Variants in PREX1 observed in about 807,000 individuals in gnomAD.
The protein encoded by PREX1 is phosphatidylinositol-3,4,5-trisphosphate dependent Rac exchange factor 1.
In PREX1, 41 loss-of-function variants were observed where a neutral mutation model predicts 198.3. The ratio of observed to expected loss-of-function variants is 0.21; its 90% CI spans 0.16 to 0.27. The LOEUF (loss-of-function observed/expected upper bound fraction) is 0.27, where lower values mean the gene tolerates loss of function less well. Ranked by LOEUF, PREX1 falls within the 10% of genes least tolerant of loss-of-function variation. PREX1 has a pLI of 1.00. For missense variants in PREX1, 1,620 were observed against 2,200.7 expected (o/e 0.74, Z 5.28); for synonymous variants, 843 against 887.2 (o/e 0.95, Z 0.89).
the PREX1 span, among the ~76,000 whole-genome samples, chr20:48,884,044 G>A: frequency 1.2e-4 from 18 of 151,478 alleles, no homozygotes; most frequent in African/African-American, 4.4e-4. Flanking sequence ...GGAGGCTGAG[G>A]CAGGAGAACG....
the PREX1 span, among the ~76,000 whole-genome samples, chr20:48,853,060 G>A: frequency 4.6e-5 from 7 of 152,174 alleles, no homozygotes; most frequent in African/African-American, 1.7e-4. Context: ...AAACTGAGTG[G>A]ATGGGTGACA....
chr20:48,669,932 C>T (rs892582069), intron 14 of PREX1, among the ~76,000 whole-genome samples: 1 of 152,104 alleles, frequency 6.6e-6, no homozygotes, highest in Non-Finnish European at 1.5e-5. Context: ...CCATGAATTC[C>T]GAGACCCCAT....
At chr20:48,816,243 G>T (rs1600533316) in intron 1 of PREX1, among the ~76,000 whole-genome samples, 1 of 152,256 alleles carries the variant, frequency 6.6e-6, no homozygotes, top group East Asian at 1.9e-4. Context: ...GTAAAGCACA[G>T]TGGTCACAAA....
At position 48,675,292 on chromosome 20, in the gene PREX1, C is replaced by T. The variant is rs113864276; in HGVS notation, c.1665+901G>A. ...GAAACAGACGGCAGCCTTCGACAGACACCGAACCTGCCGGCACCTTGGTCT... is the reference window on the plus strand; with the variant it reads ...GAAACAGACGGCAGCCTTCGACAGATACCGAACCTGCCGGCACCTTGGTCT... On this transcript the variant is annotated intron_variant, in intron 14 of 39. Transcript: ENST00000371941. Among the ~76,000 whole-genome samples, 1,057 of 152,326 alleles carry T rather than the reference C, an allele frequency of 6.9e-3. 12 individuals are homozygous for T. Among genetic ancestry groups the T allele is most frequent in the African/African-American group, 0.025 (1,020 of 41,572 alleles).
In PREX1 at chr20:48,627,915, G is replaced by A. The variant is rs369897126; in HGVS notation, c.4815C>T (p.Ser1605=). Residue 1605 remains serine, a synonymous_variant, in exon 38 of 40, where the codon AGC becomes AGT. Transcript: ENST00000371941. ...SLEQAAILAR[S]HGLLPKCIMQ... ...TGATGCACTTGGGCAGCAACCCGTG[G>A]CTCCGTGCCAAGATGGCCGCCTGCT... 2.5e-6 allele frequency: 4 copies of A among 1,612,660 alleles called. No homozygotes were observed. The African/African-American group carries it at 5.3e-5, about 22-fold the overall frequency.
the PREX1 span, among the ~76,000 whole-genome samples, chr20:48,876,628 A>T: frequency 6.6e-6 from 1 of 152,094 alleles, no homozygotes; most frequent in East Asian, 1.9e-4. Flanking sequence ...TCCTCAAGCA[A>T]ACTCTTAGGC....
At chr20:48,788,554 G>A (rs1023409812) in intron 1 of PREX1, among the ~76,000 whole-genome samples, 1 of 152,162 alleles carries the variant, frequency 6.6e-6, no homozygotes, top group Admixed American at 6.5e-5. Context: ...TTCTTTGTAC[G>A]TTGAGCCCCT....
chr20:48,756,066 G>T (rs1010747675), intron 1 of PREX1, among the ~76,000 whole-genome samples: 1 of 152,164 alleles, frequency 6.6e-6, no homozygotes, highest in Non-Finnish European at 1.5e-5. Flanking sequence ...CCGCCAGTGG[G>T]GAACAGAGCA....
At chr20:48,741,726 T>C (rs538976436) in intron 3 of PREX1, among the ~76,000 whole-genome samples, 1 of 152,122 alleles carries the variant, frequency 6.6e-6, no homozygotes, top group Non-Finnish European at 1.5e-5. Context: ...TGCAGCAACT[T>C]AAACAGGAGG....
chr20:48,844,523 C>T, the PREX1 span, among the ~76,000 whole-genome samples: 2 of 152,292 alleles, frequency 1.3e-5, no homozygotes, highest in East Asian at 1.9e-4. Context: ...ACCAATAAGA[C>T]TTGATGGAAA....
chr20:48,869,997 A>G, the PREX1 span, among the ~76,000 whole-genome samples: 1 of 152,250 alleles, frequency 6.6e-6, no homozygotes, highest in African/African-American at 2.4e-5. Context: ...GTATCCCAGA[A>G]CTTAACGTAA....
In PREX1 at chr20:48,708,404, A is replaced by G. The variant is rs764893575; in HGVS notation, c.639T>C (p.Thr213=). 8 of 1,613,992 alleles carry G rather than the reference A, an allele frequency of 5.0e-6. No individual in the cohort carries two copies. In the South Asian group the frequency reaches 8.8e-5, roughly 18 times the overall value. ...CGGGGTGGTCTGGGTGCTTGCCGGG[A>G]GTCCTCTTGGCCAGCTCCTGGGGTA... is the stretch of plus-strand genomic sequence containing the variant. The part of the protein sequence containing the change: ...PLLLKELAKR[T]PGKHPDHPAV... Residue 213 remains threonine, a synonymous_variant, in exon 6 of 40, where the codon ACT becomes ACC. Coordinates refer to ENST00000371941, the MANE Select transcript of PREX1 (RefSeq NM_020820.4).
At position 48,655,323 on chromosome 20, in the gene PREX1, C is replaced by T. The variant is rs1196949008; in HGVS notation, c.2176G>A (p.Ala726Thr). The change falls in exon 19 of 40, where the codon GCT becomes ACT. Residue 726 changes from alanine (A) to threonine (T), a missense_variant. This residue lies in a region of PREX1 where 514 missense variants were observed against 611.6 expected (regional missense o/e 0.84). Coordinates refer to ENST00000371941, the MANE Select transcript of PREX1 (RefSeq NM_020820.4). ...PDTLCFQIRG[A>T]APPYVYAVGR... is the part of the protein sequence containing the mutation. Reference sequence around the variant, plus strand: ...ACAGCATAGACGTACGGTGGGGCAGCTCCACGAATCTGGAAGCACAGTGTG... The same window carrying T: ...ACAGCATAGACGTACGGTGGGGCAGTTCCACGAATCTGGAAGCACAGTGTG... 7 of 1,599,302 alleles carry T rather than the reference C, an allele frequency of 4.4e-6. No individual in the cohort carries two copies. The African/African-American group carries it at 5.4e-5, about 12-fold the overall frequency.
intron 13 of PREX1, among the ~76,000 whole-genome samples, chr20:48,678,762 G>C (rs1352355293): frequency 6.6e-6 from 1 of 152,206 alleles, no homozygotes; most frequent in Admixed American, 6.5e-5. Flanking sequence ...CCACGATTGA[G>C]AGGCCTCCCC....
At position 48,813,581 on chromosome 20, in the gene PREX1, A is replaced by G. The variant is rs147485157; in HGVS notation, c.219+14061T>C. On this transcript the variant is annotated intron_variant, in intron 1 of 39. Transcript: ENST00000371941. ...TCTGTCTTCCTAAGTGATGCATGCCAAGGTTTGCAGGGGCATCCTGTCTGC... is the reference window on the plus strand; with the variant it reads ...TCTGTCTTCCTAAGTGATGCATGCCGAGGTTTGCAGGGGCATCCTGTCTGC... Among the ~76,000 whole-genome samples, 1,421 of 152,332 alleles carry G rather than the reference A, an allele frequency of 9.3e-3. 12 individuals carry two copies. Among genetic ancestry groups the G allele is most frequent in the Non-Finnish European group, 0.012 (803 of 68,036 alleles).
intron 15 of PREX1, among the ~76,000 whole-genome samples, chr20:48,661,856 C>T (rs1347135799): frequency 6.6e-6 from 1 of 152,130 alleles, no homozygotes; most frequent in Non-Finnish European, 1.5e-5. Context: ...TCTCCCCACA[C>T]TGTCCAGGCA....
Position 48,807,529 on chromosome 20 carries a change from A to G in PREX1, c.219+20113T>C, listed in dbSNP as rs368856904. Among the ~76,000 whole-genome samples the G allele has an allele frequency of 1.3e-4, 20 of 152,334 alleles. No individual in the cohort carries two copies. The East Asian group carries it at 3.1e-3, about 23-fold the overall frequency. On this transcript the variant is annotated intron_variant, in intron 1 of 39. Coordinates refer to ENST00000371941, the MANE Select transcript of PREX1 (RefSeq NM_020820.4). The stretch of plus-strand genomic sequence containing the variant: ...TTGCCAATTTCTTTTGCCATTAGAA[A>G]CAAAACTGGAATAAACATCTTTGTA...
At chr20:48,629,366 T>C in intron 37 of PREX1, 83 bp downstream of exon 37, 1 of 1,524,122 alleles carries the variant, frequency 6.6e-7, no homozygotes, top group Non-Finnish European at 8.9e-7. Flanking sequence ...CCAGCCTTCC[T>C]GCCTCCTTGC....
chr20:48,707,642 C>T (rs2089909593), intron 6 of PREX1, among the ~76,000 whole-genome samples: 1 of 152,048 alleles, frequency 6.6e-6, no homozygotes, highest in East Asian at 1.9e-4. Flanking sequence ...TTCATTTATT[C>T]ATATTTTCCC....
Sources: gnomAD v4.1 joint callset for allele counts (sites outside exome capture counted in the v4.1 genomes callset) on GRCh38, gnomAD v4.1.1 for gene constraint, gnomAD v4.1.1 regional missense constraint, MANE v1.5 for transcripts, NCBI Gene and HGNC (gene_info 2026-07-23, HGNC 2026-07-21) for gene names.